Variants in ADGRV1 observed in about 807,000 individuals in gnomAD.
ADGRV1 encodes the protein adhesion G protein-coupled receptor V1.
A neutral mutation model predicts 596.2 loss-of-function variants in ADGRV1; 359 were observed. The observed-to-expected ratio is 0.60, with a 90% CI of 0.55 to 0.66. The LOEUF is 0.66. Among genes scored for constraint, ADGRV1 ranks in the 30% least tolerant of loss-of-function variants. The probability of loss-of-function intolerance (pLI) is 0.00; values close to 1 mark genes in which losing one functional copy is unlikely to be tolerated. For synonymous variants in ADGRV1, 2,681 were observed against 2,679.2 expected, an observed-to-expected ratio of 1.00 and a Z score of -0.02; for missense variants, 7,274 against 7,575.6, an observed-to-expected ratio of 0.96 and a Z score of 1.48.
chr5:91,138,540 A>G (rs1426425226), intron 87 of ADGRV1, among the ~76,000 whole-genome samples: 1 of 152,212 alleles, frequency 6.6e-6, no homozygotes, highest in Non-Finnish European at 1.5e-5. Context: ...ACAAAAAGAT[A>G]TTGAATGATT....
At chr5:90,843,416 A>T (rs1327800904) in intron 78 of ADGRV1, among the ~76,000 whole-genome samples, 3 of 109,184 alleles carry the variant, frequency 2.7e-5, no homozygotes, top group Admixed American at 1.1e-4. Context: ...ATGGGTCGAA[A>T]ATATTATTCA....
intron 42 of ADGRV1, among the ~76,000 whole-genome samples, chr5:90,714,180 C>A (rs560710462): frequency 3.4e-4 from 52 of 152,012 alleles, no homozygotes; most frequent in African/African-American, 1.3e-3. Context: ...TTTTTATATG[C>A]CATTTCTAAT....
In ADGRV1 at chr5:90,927,088, T is replaced by C. The variant is rs1254559546; in HGVS notation, c.17857-38327T>C. On this transcript the variant is annotated intron_variant, in intron 83 of 89. Coordinates refer to ENST00000405460, the MANE Select transcript of ADGRV1 (RefSeq NM_032119.4). ...CAATTTTGGAATAGGTGTGGTGTGGTGCTGAAAAAAATGTATATTCTGTTG... is the reference window on the plus strand; with the variant it reads ...CAATTTTGGAATAGGTGTGGTGTGGCGCTGAAAAAAATGTATATTCTGTTG... 2.7e-5 allele frequency among the ~76,000 whole-genome samples: 4 copies of C among 147,270 alleles called. No homozygotes were observed. In the East Asian group the frequency reaches 5.9e-4, roughly 22 times the overall value.
At chr5:90,977,648 A>G (rs890876775) in intron 84 of ADGRV1, among the ~76,000 whole-genome samples, 4 of 152,194 alleles carry the variant, frequency 2.6e-5, no homozygotes, top group Non-Finnish European at 1.5e-5. Flanking sequence ...TTAACAAGAT[A>G]TGTCTTCAAT....
chr5:90,652,355 G>A lies in ADGRV1; in HGVS notation c.3426G>A (p.Arg1142=), dbSNP rs1387274454. ...TTAATTTATTTTGTAGGATTTTGAGGCACCGAGGATACTTTGGTAGTGTTT... is the reference window on the plus strand; with the variant it reads ...TTAATTTATTTTGTAGGATTTTGAGACACCGAGGATACTTTGGTAGTGTTT... ...EGKTNAFWIL[R]HRGYFGSVSV... The change falls in exon 19 of 90, where the codon AGG becomes AGA. Residue 1142 remains arginine (R), a synonymous_variant. Transcript: ENST00000405460. 3.8e-6 allele frequency: 6 copies of A among 1,580,564 alleles called. No individual in the cohort carries two copies. The highest frequency in any genetic ancestry group is 4.3e-6 in the Non-Finnish European group (5 of 1,164,706).
Position 90,810,571 on chromosome 5 carries a change from AG to A in ADGRV1, c.15312del (p.Lys5104AsnfsTer10). The A allele has an allele frequency of 6.2e-7, 1 of 1,613,988 alleles. No homozygotes were observed. The highest frequency in any genetic ancestry group is 1.1e-5 in the South Asian group (1 of 91,082). On this transcript the variant is annotated frameshift_variant, in exon 74 of 90. Coordinates refer to ENST00000405460, the MANE Select transcript of ADGRV1 (RefSeq NM_032119.4). LOFTEE classifies it high-confidence loss of function. ...LTSVEIRGLQKFDVNWSPRLN... is the reference protein window; with the variant it reads ...LTSVEIRGLQXFDVNWSPRLN... ...TCAGTAGAAATTAGGGGATTACAAAAGTTTGATGTTAATTGGAGCCCACGCC... is the reference window on the plus strand; with the variant it reads ...TCAGTAGAAATTAGGGGATTACAAAATTTGATGTTAATTGGAGCCCACGCC...
At chr5:90,931,066 T>A (rs1775204997) in intron 83 of ADGRV1, 1 of 152,150 alleles carries the variant, frequency 6.6e-6, no homozygotes, top group East Asian at 1.9e-4. Flanking sequence ...ATTTGTAGAT[T>A]TTTTTATAGG....
intron 29 of ADGRV1, among the ~76,000 whole-genome samples, chr5:90,688,912 A>G (rs776893058): frequency 6.6e-6 from 1 of 152,192 alleles, no homozygotes; most frequent in Non-Finnish European, 1.5e-5. Flanking sequence ...ATTTGTGAAG[A>G]GCAAGGAAGA....
intron 48 of ADGRV1, among the ~76,000 whole-genome samples, chr5:90,726,963 A>G (rs4916688): frequency 0.24 from 36,109 of 152,104 alleles, 4,362 homozygotes; most frequent in East Asian, 0.31. Flanking sequence ...AACATATCCC[A>G]AACTGAACCT....
chr5:90,810,583 A>G lies in ADGRV1; in HGVS notation c.15323A>G (p.Asn5108Ser), dbSNP rs1561781052. 3.7e-6 allele frequency: 6 copies of G among 1,613,984 alleles called. No individual in the cohort carries two copies. The highest frequency in any genetic ancestry group is 5.1e-6 in the Non-Finnish European group (6 of 1,179,894). Residue 5108 changes from asparagine (N) to serine (S), a missense_variant, in exon 74 of 90, where the codon AAT becomes AGT. By Grantham distance (46) the Asn-to-Ser change is conservative (BLOSUM62 1). Transcript: ENST00000405460. ...EIRGLQKFDV[N>S]WSPRLNLDFS... ...AGGGGATTACAAAAGTTTGATGTTAATTGGAGCCCACGCCTGAATCTAGAT... is the reference window on the plus strand; with the variant it reads ...AGGGGATTACAAAAGTTTGATGTTAGTTGGAGCCCACGCCTGAATCTAGAT...
At chr5:90,924,929 G>C (rs978231053) in intron 83 of ADGRV1, among the ~76,000 whole-genome samples, 2 of 151,662 alleles carry the variant, frequency 1.3e-5, no homozygotes, top group Non-Finnish European at 2.9e-5. Flanking sequence ...GTTTGTCAAG[G>C]ATAGATAGTT....
At chr5:90,625,356 G>C in intron 6 of ADGRV1, 113 bp downstream of exon 6, 1 of 595,114 alleles carries the variant, frequency 1.7e-6, no homozygotes, top group African/African-American at 1.9e-5. Flanking sequence ...ATAGCTGACT[G>C]TTCTGGAATA....
At chr5:90,872,423 TTGTGTG>T (rs55743704) in intron 83 of ADGRV1, among the ~76,000 whole-genome samples, 6,428 of 147,324 alleles carry the variant, frequency 0.044, 158 homozygotes, top group Non-Finnish European at 0.046. Flanking sequence ...TGGTATGAGC[TTGTGTG>T]TGTGTGTGTG....
chr5:90,759,293 TA>T (rs1302867952), intron 57 of ADGRV1, 115 bp from the exon 58 acceptor site: 1 of 779,118 alleles, frequency 1.3e-6, no homozygotes, highest in Non-Finnish European at 2.0e-6. Flanking sequence ...TGGTTTCAAC[TA>T]AAAAATTAAA....
intron 27 of ADGRV1, among the ~76,000 whole-genome samples, chr5:90,681,804 T>TCCGC (rs1554080967): frequency 2.9e-5 from 4 of 139,942 alleles, no homozygotes; most frequent in African/African-American, 1.1e-4. Context: ...AGAATTGCCT[T>TCCGC]CCTCCCTCCC....
At chr5:90,948,685 C>G (rs886067695) in intron 83 of ADGRV1, among the ~76,000 whole-genome samples, 5 of 152,088 alleles carry the variant, frequency 3.3e-5, no homozygotes, top group Admixed American at 3.3e-4. Flanking sequence ...CCTAACCTAG[C>G]CTACCTTAAA....
intron 85 of ADGRV1, among the ~76,000 whole-genome samples, chr5:91,036,572 A>G (rs1286689384): frequency 6.6e-6 from 1 of 151,782 alleles, no homozygotes; most frequent in Non-Finnish European, 1.5e-5. Context: ...AAAAAAAAAA[A>G]AAAAACGGCC....
intron 3 of ADGRV1, among the ~76,000 whole-genome samples, chr5:90,618,586 G>C (rs6877084): frequency 0.021 from 3,179 of 152,004 alleles, 106 homozygotes; most frequent in African/African-American, 0.072. Context: ...ATATACTTTT[G>C]TGCTGCTGTT....
chr5:91,043,201 G>A (rs1785513747), intron 85 of ADGRV1, among the ~76,000 whole-genome samples: 1 of 152,130 alleles, frequency 6.6e-6, no homozygotes. Context: ...CTGTAATACA[G>A]TGGAGTTGTC....
Sources: gnomAD v4.1 joint callset for allele counts (sites outside exome capture counted in the v4.1 genomes callset) on GRCh38, gnomAD v4.1.1 for gene constraint, MANE v1.5 for transcripts, NCBI Gene and HGNC (gene_info 2026-07-23, HGNC 2026-07-21) for gene names.